AGMAT: variants seen among roughly 807,000 people sequenced by gnomAD.
The protein encoded by AGMAT is guanidino acid hydrolase, mitochondrial.
In AGMAT, 37 loss-of-function variants were observed where a neutral mutation model predicts 29.3. That is an observed-to-expected ratio of 1.26 (90% confidence interval 0.97 to 1.66). AGMAT has a LOEUF of 1.66. Among genes scored for constraint, AGMAT ranks in the 40% most tolerant of loss-of-function variants. AGMAT has a pLI of 0.00. For synonymous variants in AGMAT, 199 were observed against 200.8 expected (o/e 0.99, Z 0.08); for missense variants, 498 against 497.8 (o/e 1.00, Z 0.00).
At chr1:15,578,792 C>T in intron 4 of AGMAT, 67 bp downstream of exon 4, 1 of 1,552,194 alleles carries the variant, frequency 6.4e-7, no homozygotes, top group South Asian at 1.2e-5. Flanking sequence ...TCCCTGGCTG[C>T]CACTGGTGAG....
chr1:15,577,800 A>C lies in AGMAT; in HGVS notation c.785T>G (p.Val262Gly). 6.2e-7 allele frequency: 1 copy of C among 1,614,106 alleles called. No individual in the cohort carries two copies. ...GGGTTTGCCTCCCATCTGCTGCCTG[A>C]CTTCCCCCATCAGAGGAACCAGCGA... ...MKSLVPLMGE[V>G]RQQMGGKPIY... is the part of the protein sequence containing the mutation. The change falls in exon 5 of 7, where the codon GTC (valine) becomes GGC (glycine). Residue 262 changes from valine to glycine, a missense_variant. Val to Gly is a moderately radical substitution (Grantham distance 109). Coordinates refer to ENST00000375826, the MANE Select transcript of AGMAT (RefSeq NM_024758.5).
At chr1:15,582,345 C>A (rs1639127759) in intron 2 of AGMAT, among the ~76,000 whole-genome samples, 1 of 151,868 alleles carries the variant, frequency 6.6e-6, no homozygotes. Flanking sequence ...ATGCCCCTCA[C>A]ATCATGCAGT....
At chr1:15,583,737 C>T (rs1257233980) in intron 1 of AGMAT, among the ~76,000 whole-genome samples, 1 of 152,120 alleles carries the variant, frequency 6.6e-6, no homozygotes, top group East Asian at 1.9e-4. Flanking sequence ...GTCTCAGTTT[C>T]CTAATTTGTA....
intron 2 of AGMAT, 142 bp downstream of exon 2, chr1:15,583,051 T>C: frequency 2.7e-6 from 2 of 735,706 alleles, no homozygotes; most frequent in Non-Finnish European, 4.4e-6. Context: ...TTAAAATAAA[T>C]GAATTACAAT....
rs929812485 is a variant in AGMAT, at chr1:15,573,575, T to C, written c.*76A>G. ...TTTCTTGGCATAAACTCTTTAGTTCTCAGACTGCTTACTCATAAGTTCTTC... is the reference window on the plus strand; with the variant it reads ...TTTCTTGGCATAAACTCTTTAGTTCCCAGACTGCTTACTCATAAGTTCTTC... On this transcript the variant is annotated 3_prime_UTR_variant, in exon 7 of 7. Transcript: ENST00000375826. The C allele has an allele frequency of 5.7e-6, 8 of 1,398,810 alleles. No homozygotes were observed. The highest frequency in any genetic ancestry group is 8.1e-6 in the Non-Finnish European group (8 of 986,990). 86.6% of individuals were successfully genotyped at this position (1,398,810 alleles called of 1,614,324 possible). A position where few individuals can be genotyped will look rare whatever the true frequency, so the allele number is the denominator to read the frequency against.
intron 6 of AGMAT, 114 bp from the exon 7 acceptor site, chr1:15,573,838 G>T: frequency 1.1e-6 from 1 of 907,668 alleles, no homozygotes. Context: ...GCCCTGTCTT[G>T]TGCACCCCTC....
Position 15,572,014 on chromosome 1 carries a change from G to A in AGMAT, c.*1637C>T, listed in dbSNP as rs577739659. On this transcript the variant is annotated 3_prime_UTR_variant, in exon 7 of 7. Coordinates refer to ENST00000375826, the MANE Select transcript of AGMAT (RefSeq NM_024758.5). ...ACAAAAATTAGCCGGGCGTGGTGAC[G>A]CATGACTGTAATTCTAGCTACTCAG... Among the ~76,000 whole-genome samples the A allele has an allele frequency of 1.3e-5, 2 of 151,788 alleles. No individual in the cohort carries two copies. The highest frequency in any genetic ancestry group is 4.8e-5 in the African/African-American group (2 of 41,310).
At position 15,584,836 on chromosome 1, in the gene AGMAT, G is replaced by A; in HGVS notation, c.132C>T (p.Pro44=). 3.5e-6 allele frequency: 5 copies of A among 1,431,508 alleles called. No homozygotes were observed. Among genetic ancestry groups the A allele is most frequent in the Non-Finnish European group, 4.6e-6 (5 of 1,096,832 alleles). 88.7% of individuals were successfully genotyped at this position (1,431,508 alleles called of 1,614,324 possible). A position where few individuals can be genotyped will look rare whatever the true frequency, so the allele number is the denominator to read the frequency against. Residue 44 remains proline, a synonymous_variant, in exon 1 of 7, where the codon CCC becomes CCT. Coordinates refer to ENST00000375826, the MANE Select transcript of AGMAT (RefSeq NM_024758.5). ...GCCGGGCCACGAACTCGGGGCTGGG[G>A]GGCTGGTTCCGGGGCGCGTCGGAAG... ...RQASDAPRNQ[P]PSPEFVARPV... is the part of the protein sequence containing the mutation.
In AGMAT at chr1:15,577,878, G is replaced by A. The variant is rs1639061240; in HGVS notation, c.721-14C>T. ...TACCCGGAAGCCCTGCAGAGACAGG[G>A]ACTGAGGTTTCTGTCTGGCAGCATT... On this transcript the variant is annotated splice_polypyrimidine_tract_variant and intron_variant, in intron 4 of 6. Coordinates refer to ENST00000375826, the MANE Select transcript of AGMAT (RefSeq NM_024758.5). 1.2e-6 allele frequency: 2 copies of A among 1,609,984 alleles called. No homozygotes were observed. Among genetic ancestry groups the A allele is most frequent in the Non-Finnish European group, 1.7e-6 (2 of 1,177,116 alleles).
intron 2 of AGMAT, among the ~76,000 whole-genome samples, chr1:15,581,334 G>A (rs762521561): frequency 6.6e-6 from 1 of 152,136 alleles, no homozygotes; most frequent in African/African-American, 2.4e-5. Context: ...GGGTGACAGA[G>A]TGAGACCGTG....
At chr1:15,574,691 A>T (rs1444982435) in intron 6 of AGMAT, 66 bp downstream of exon 6, 1 of 1,437,996 alleles carries the variant, frequency 7.0e-7, no homozygotes, top group African/African-American at 1.4e-5. Context: ...TTTTCTACTT[A>T]TTAACTAGCT....
chr1:15,573,772 G>A (rs1190914317), intron 6 of AGMAT, 48 bp from the exon 7 acceptor site: 2 of 1,544,634 alleles, frequency 1.3e-6, no homozygotes, highest in Admixed American at 3.5e-5. Context: ...ACGACCCGCT[G>A]AGCCAAGCCT....
At chr1:15,576,247 C>T (rs933230577) in intron 5 of AGMAT, among the ~76,000 whole-genome samples, 1 of 151,804 alleles carries the variant, frequency 6.6e-6, no homozygotes, top group Admixed American at 6.6e-5. Flanking sequence ...GGATTACAGG[C>T]ATGCGCCACC....
At chr1:15,584,672 C>G in intron 1 of AGMAT, 24 bp downstream of exon 1, 1 of 1,296,844 alleles carries the variant, frequency 7.7e-7, no homozygotes, top group Non-Finnish European at 9.8e-7. Flanking sequence ...CACGTGTACC[C>G]GGCCCCCGTC....
rs752628452 is a variant in AGMAT, at chr1:15,577,811, C to G, written c.774G>C (p.Leu258=). ...CCATCTGCTGCCTGACTTCCCCCAT[C>G]AGAGGAACCAGCGACTTCATCCAGC... ...EDCWMKSLVP[L]MGEVRQQMGG... is the part of the protein sequence containing the mutation. The change falls in exon 5 of 7, where the codon CTG becomes CTC. Residue 258 remains leucine, a synonymous_variant. Transcript: ENST00000375826. 1 of 1,614,180 alleles carries G rather than the reference C, an allele frequency of 6.2e-7. No homozygotes were observed. The highest frequency in any genetic ancestry group is 1.1e-5 in the South Asian group (1 of 91,088).
chr1:15,580,812 C>T (rs936953528), intron 2 of AGMAT, among the ~76,000 whole-genome samples: 10 of 151,838 alleles, frequency 6.6e-5, no homozygotes, highest in Non-Finnish European at 1.5e-5. Flanking sequence ...CCCGTCTCTA[C>T]TGAAAATACA....
intron 1 of AGMAT, among the ~76,000 whole-genome samples, chr1:15,584,200 T>C (rs1639151972): frequency 6.6e-6 from 1 of 152,240 alleles, no homozygotes; most frequent in South Asian, 2.1e-4. Flanking sequence ...TGGAGCGCAG[T>C]GGCGCAATCT....
At position 15,577,766 on chromosome 1, in the gene AGMAT, G is replaced by C; in HGVS notation, c.819C>G (p.Ile273Met). 1 of 1,614,140 alleles carries C rather than the reference G, an allele frequency of 6.2e-7. No homozygotes were observed. The highest frequency in any genetic ancestry group is 8.5e-7 in the Non-Finnish European group (1 of 1,180,026). Residue 273 changes from isoleucine (I) to methionine (M), a missense_variant, in exon 5 of 7, where the codon ATC (isoleucine) becomes ATG (methionine). Coordinates refer to ENST00000375826, the MANE Select transcript of AGMAT (RefSeq NM_024758.5). ...RQQMGGKPIY[I>M]SFDIDALDPA... ...GATCCAGAGCGTCAATATCAAAGCT[G>C]ATATAAATGGGTTTGCCTCCCATCT...
At chr1:15,584,604 C>G (rs1340014148) in intron 1 of AGMAT, 92 bp downstream of exon 1, 1 of 1,225,652 alleles carries the variant, frequency 8.2e-7, no homozygotes, top group Non-Finnish European at 1.0e-6. Flanking sequence ...CGACCCGGGG[C>G]CAGCAGGGGC....
Sources: gnomAD v4.1 joint callset for allele counts (sites outside exome capture counted in the v4.1 genomes callset) on GRCh38, gnomAD v4.1.1 for gene constraint, MANE v1.5 for transcripts, NCBI Gene and HGNC (gene_info 2026-07-23, HGNC 2026-07-21) for gene names.